Variants in SLC2A5 observed in about 807,000 individuals in gnomAD.
SLC2A5 encodes the protein solute carrier family 2, facilitated glucose transporter member 5.
SLC2A5 carries 56 observed loss-of-function variants against 50.3 expected under a neutral mutation model. The observed-to-expected ratio is 1.11, with a 90% CI of 0.90 to 1.39. The LOEUF is 1.39. SLC2A5 is among the 40% of genes most tolerant of loss of function. The probability of loss-of-function intolerance (pLI) is 0.00; values close to 1 mark genes in which losing one functional copy is unlikely to be tolerated. For synonymous variants in SLC2A5, 269 were observed against 281.9 expected (o/e 0.95, Z 0.46); for missense variants, 566 against 650.1 (o/e 0.87, Z 1.41).
intron 1 of SLC2A5, among the ~76,000 whole-genome samples, chr1:9,087,208 CT>C (rs35852748): frequency 1.8e-3 from 260 of 142,314 alleles, no homozygotes; most frequent in East Asian, 8.2e-3. Context: ...TTACTTCTTT[CT>C]TTTTTTTTTT....
chr1:9,060,703 A>C, intron 1 of SLC2A5, among the ~76,000 whole-genome samples: 2 of 126,398 alleles, frequency 1.6e-5, no homozygotes, highest in Non-Finnish European at 1.7e-5. Flanking sequence ...CCCACCCCAC[A>C]CACACACAGC....
At chr1:9,066,762 C>T (rs1642092924) in intron 1 of SLC2A5, among the ~76,000 whole-genome samples, 1 of 151,884 alleles carries the variant, frequency 6.6e-6, no homozygotes, top group Non-Finnish European at 1.5e-5. Flanking sequence ...AGAAGGCACA[C>T]TTGAGCCCAG....
chr1:9,053,500 A>G (rs1338942520), intron 3 of SLC2A5, among the ~76,000 whole-genome samples: 1 of 95,248 alleles, frequency 1.0e-5, no homozygotes, highest in Non-Finnish European at 1.9e-5. Context: ...TATATATAAT[A>G]TATATTATAT....
Position 9,058,154 on chromosome 1 carries a change from GTGCTGGGGAGT to G in SLC2A5, c.119_129del (p.Asn40ThrfsTer9). The G allele has an allele frequency of 6.2e-7, 1 of 1,610,534 alleles. No individual in the cohort carries two copies. On this transcript the variant is annotated frameshift_variant, in exon 2 of 12. Transcript: ENST00000377424. LOFTEE classifies it high-confidence loss of function. ...TCTTGCTCACCACAGTGACCTACCAGTGCTGGGGAGTTGACAGCAGCCACGTTGTACCCATA... is the reference window on the plus strand; with the variant it reads ...TCTTGCTCACCACAGTGACCTACCAGTGACAGCAGCCACGTTGTACCCATA...
At chr1:9,082,775 C>A in intron 2 of SLC2A5, 1 of 426,426 alleles carries the variant, frequency 2.3e-6, no homozygotes, top group Non-Finnish European at 4.5e-6. Flanking sequence ...CCAACCCTGA[C>A]CTAAAGTAAA....
At chr1:9,057,304 A>AG (rs1641781437) in intron 3 of SLC2A5, 144 bp downstream of exon 3, 3 of 478,106 alleles carry the variant, frequency 6.3e-6, no homozygotes, top group African/African-American at 4.0e-5. Flanking sequence ...AAAAAAAAAA[A>AG]AAAAAAAAAA....
intron 2 of SLC2A5, chr1:9,082,811 G>T (rs1183836365): frequency 1.2e-5 from 5 of 423,668 alleles, no homozygotes; most frequent in Non-Finnish European, 2.3e-5. Context: ...CCTGGGTTTT[G>T]AATTTGCAGT....
intron 1 of SLC2A5, among the ~76,000 whole-genome samples, chr1:9,061,844 A>C (rs939954205): frequency 2.0e-5 from 3 of 152,214 alleles, no homozygotes; most frequent in Non-Finnish European, 4.4e-5. Flanking sequence ...GGGTTCTGCC[A>C]GGCACCATGG....
chr1:9,056,778 G>A (rs1047702441), intron 3 of SLC2A5, among the ~76,000 whole-genome samples: 4 of 152,110 alleles, frequency 2.6e-5, no homozygotes, highest in South Asian at 4.1e-4. Context: ...CTTTGTTCAC[G>A]AGGCTGGTGT....
chr1:9,050,136 G>T (rs757731725), intron 3 of SLC2A5, among the ~76,000 whole-genome samples: 4 of 152,040 alleles, frequency 2.6e-5, no homozygotes, highest in African/African-American at 9.7e-5. Flanking sequence ...AATTAGCCGG[G>T]TATGGTGGCA....
At chr1:9,059,195 T>C (rs1207322344) in intron 1 of SLC2A5, among the ~76,000 whole-genome samples, 5 of 127,176 alleles carry the variant, frequency 3.9e-5, no homozygotes, top group Non-Finnish European at 7.8e-5. Flanking sequence ...CAGGCTGGAG[T>C]GCAGTGGCGC....
At chr1:9,079,278 A>G (rs149597352) in intron 2 of SLC2A5, among the ~76,000 whole-genome samples, 10 of 152,122 alleles carry the variant, frequency 6.6e-5, no homozygotes, top group South Asian at 4.1e-4. Context: ...TAAACTTCAG[A>G]GACATGACAA....
chr1:9,071,836 G>T (rs999756866), upstream of SLC2A5: 2 of 151,860 alleles, frequency 1.3e-5, no homozygotes, highest in African/African-American at 2.4e-5. Context: ...CTGCCTGGCG[G>T]GCCTGCGGGC....
Position 9,037,768 on chromosome 1 carries a change from A to T in SLC2A5, c.1324T>A (p.Phe442Ile). ...FIQEGLGPYS[F>I]IVFAVICLLT... is the part of the protein sequence containing the mutation. ...AGGCAGATCACGGCGAAGACAATGAAGCTGTACGGGCCGAGGCCCTCCTGC... is the reference window on the plus strand; with the variant it reads ...AGGCAGATCACGGCGAAGACAATGATGCTGTACGGGCCGAGGCCCTCCTGC... Residue 442 changes from phenylalanine to isoleucine, a missense_variant, in exon 12 of 12, where the codon TTC (phenylalanine) becomes ATC (isoleucine). Phe to Ile is a conservative substitution (Grantham distance 21). Transcript: ENST00000377424. 6.2e-7 allele frequency: 1 copy of T among 1,614,190 alleles called. No individual in the cohort carries two copies. Among genetic ancestry groups the T allele is most frequent in the Non-Finnish European group, 8.5e-7 (1 of 1,180,040 alleles).
intron 3 of SLC2A5, among the ~76,000 whole-genome samples, chr1:9,054,603 A>G (rs1180446471): frequency 6.6e-6 from 1 of 152,176 alleles, no homozygotes; most frequent in African/African-American, 2.4e-5. Flanking sequence ...ATCTATCTGG[A>G]AGAACAAAAT....
intron 4 of SLC2A5, among the ~76,000 whole-genome samples, chr1:9,046,710 C>A (rs1024441021): frequency 9.3e-5 from 14 of 149,810 alleles, no homozygotes; most frequent in African/African-American, 2.7e-4. Context: ...GTATGTGAAA[C>A]AAAAGTGGGC....
intron 3 of SLC2A5, among the ~76,000 whole-genome samples, chr1:9,053,117 T>C (rs1343550310): frequency 9.4e-6 from 1 of 106,060 alleles, no homozygotes; most frequent in Non-Finnish European, 1.7e-5. Flanking sequence ...ATATATATTA[T>C]ATATTTATAT....
At chr1:9,062,976 G>T (rs1444862756) in intron 1 of SLC2A5, among the ~76,000 whole-genome samples, 1 of 152,212 alleles carries the variant, frequency 6.6e-6, no homozygotes, top group African/African-American at 2.4e-5. Context: ...GGGCACTTGG[G>T]TAATGGAACG....
In SLC2A5 at chr1:9,058,243, G is replaced by C; in HGVS notation, c.41C>G (p.Thr14Arg). 6.2e-7 allele frequency: 1 copy of C among 1,613,502 alleles called. No individual in the cohort carries two copies. Among genetic ancestry groups the C allele is most frequent in the African/African-American group, 1.3e-5 (1 of 75,036 alleles). Reference protein sequence around the residue: ...QDQSMKEGRLTLVLALATLIA... With the variant: ...QDQSMKEGRLRLVLALATLIA... ...CAGGGTTGCCAGGGCAAGCACAAGCGTCAGCCTCTGCAGAGATCACAGCTT... is the reference window on the plus strand; with the variant it reads ...CAGGGTTGCCAGGGCAAGCACAAGCCTCAGCCTCTGCAGAGATCACAGCTT... The change falls in exon 2 of 12, where the codon ACG becomes AGG. Residue 14 changes from threonine (T) to arginine (R), a missense_variant. Transcript: ENST00000377424.
Sources: gnomAD v4.1 joint callset for allele counts (sites outside exome capture counted in the v4.1 genomes callset) on GRCh38, gnomAD v4.1.1 for gene constraint, MANE v1.5 for transcripts, NCBI Gene and HGNC (gene_info 2026-07-23, HGNC 2026-07-21) for gene names.